The following PCDHGB3 variants were observed in gnomAD, a reference collection of about 807,000 sequenced individuals.
The protein encoded by PCDHGB3 is protocadherin gamma-B3.
In PCDHGB3, 40 loss-of-function variants were observed where a neutral mutation model predicts 59.2. That is an observed-to-expected ratio of 0.68 (90% CI 0.52 to 0.88). The LOEUF (loss-of-function observed/expected upper bound fraction) is 0.88. PCDHGB3 is among the 40% of genes least tolerant of loss of function. PCDHGB3 has a pLI of 0.00. For synonymous variants in PCDHGB3, 581 were observed against 503.6 expected, an observed-to-expected ratio of 1.15 and a Z score of -2.06; for missense variants, 1,309 against 1,187.9, an observed-to-expected ratio of 1.10 and a Z score of -1.50.
chr5:141,380,586 A>G (rs1776590608), intron 1 of PCDHGB3, among the ~76,000 whole-genome samples: 1 of 152,226 alleles, frequency 6.6e-6, no homozygotes, highest in Non-Finnish European at 1.5e-5. Context: ...GCGGTCTAGT[A>G]AAGATCTTTA....
At chr5:141,375,266 G>A in intron 1 of PCDHGB3, 1 of 1,613,846 alleles carries the variant, frequency 6.2e-7, no homozygotes, top group Non-Finnish European at 8.5e-7. Flanking sequence ...ATTTGAATTG[G>A]AAAAATCAGT....
chr5:141,492,740 C>T (rs1364102818), intron 1 of PCDHGB3, among the ~76,000 whole-genome samples: 1 of 152,238 alleles, frequency 6.6e-6, no homozygotes, highest in African/African-American at 2.4e-5. Context: ...GCCCAGTGGC[C>T]GAGGCGCGGC....
chr5:141,476,687 A>G lies in PCDHGB3; in HGVS notation c.2416-18120A>G. 1 of 1,614,212 alleles carries G rather than the reference A, an allele frequency of 6.2e-7. No individual in the cohort carries two copies. Among genetic ancestry groups the G allele is most frequent in the Non-Finnish European group, 8.5e-7 (1 of 1,180,044 alleles). On this transcript the variant is annotated intron_variant, in intron 1 of 3. Transcript: ENST00000576222. This position sits in a 1 kb window ranked among gnomAD's most constrained non-coding sequence, Gnocchi z 7.6. ...TCGCGTGCAGACGCGGGAGGACAGC[A>G]CCAAGTACGCGGAGCTGGTGTTGGA... is the stretch of plus-strand genomic sequence containing the variant.
At position 141,477,529 on chromosome 5, in the gene PCDHGB3, C is replaced by G; in HGVS notation, c.2416-17278C>G. ...ACGTTTACATTGAAGAAAACAACCT[C>G]CCCGGGGCTCCAATACTAAACCTAA... On this transcript the variant is annotated intron_variant, in intron 1 of 3. Transcript: ENST00000576222. The surrounding 1 kb of genome is among the most constrained non-coding windows in gnomAD (Gnocchi z 4.9). 6.2e-7 allele frequency: 1 copy of G among 1,614,172 alleles called. No homozygotes were observed. The highest frequency in any genetic ancestry group is 8.5e-7 in the Non-Finnish European group (1 of 1,180,032).
intron 1 of PCDHGB3, among the ~76,000 whole-genome samples, chr5:141,456,919 C>T (rs2098898169): frequency 1.3e-5 from 2 of 152,124 alleles, no homozygotes; most frequent in South Asian, 4.1e-4. Context: ...GCCGAGATCG[C>T]ACCACTGCAC....
At chr5:141,382,871 G>C (rs764156663) in intron 1 of PCDHGB3, 22 of 1,520,388 alleles carry the variant, frequency 1.4e-5, no homozygotes, top group Admixed American at 8.9e-5. Flanking sequence ...TCCCGAGATC[G>C]GCGCCTAAGC....
At chr5:141,468,403 A>C (rs2099166784) in intron 1 of PCDHGB3, 1 of 152,088 alleles carries the variant, frequency 6.6e-6, no homozygotes, top group African/African-American at 2.4e-5. Flanking sequence ...GGTGAGAACT[A>C]ATAATAAGTT....
chr5:141,481,842 T>C (rs1402237517), intron 1 of PCDHGB3, among the ~76,000 whole-genome samples: 1 of 144,038 alleles, frequency 6.9e-6, no homozygotes, highest in Non-Finnish European at 1.5e-5. Flanking sequence ...AATCGCTTGA[T>C]GGTGGAGGTT....
chr5:141,451,978 T>A (rs1329730658), intron 1 of PCDHGB3, among the ~76,000 whole-genome samples: 1 of 152,188 alleles, frequency 6.6e-6, no homozygotes, highest in Non-Finnish European at 1.5e-5. Flanking sequence ...TTTGCTGTAG[T>A]TTGTTCATTA....
At chr5:141,415,208 A>C in intron 1 of PCDHGB3, 3 of 1,614,024 alleles carry the variant, frequency 1.9e-6, no homozygotes, top group Non-Finnish European at 2.5e-6. Context: ...GTCCTGGCGG[A>C]CCTCGGCAGC....
chr5:141,432,511 C>T lies in PCDHGB3; in HGVS notation c.2415+59702C>T. ...AGCTGGCTCCCCGCTCCGCAGAGCC[C>T]GGCTACCTGGTGACCAAGGTGGTGG... is the stretch of plus-strand genomic sequence containing the variant. On this transcript the variant is annotated intron_variant, in intron 1 of 3. Coordinates refer to ENST00000576222, the MANE Select transcript of PCDHGB3 (RefSeq NM_018924.5). This position sits in a 1 kb window ranked among gnomAD's most constrained non-coding sequence, Gnocchi z 6.0. 1 of 1,614,118 alleles carries T rather than the reference C, an allele frequency of 6.2e-7. No homozygotes were observed. The highest frequency in any genetic ancestry group is 8.5e-7 in the Non-Finnish European group (1 of 1,180,042).
intron 1 of PCDHGB3, chr5:141,428,826 A>G (rs190740602): frequency 1.3e-5 from 2 of 149,304 alleles, no homozygotes; most frequent in South Asian, 2.1e-4. Context: ...GCTTTCATGT[A>G]TTTTTGAAAC....
chr5:141,429,073 C>CTCGATT (rs1202357717), intron 1 of PCDHGB3: 1 of 152,116 alleles, frequency 6.6e-6, no homozygotes, highest in African/African-American at 2.4e-5. Context: ...CCAGGATGGT[C>CTCGATT]TCGATTTCCT....
rs1174072440 is a variant in PCDHGB3, at chr5:141,438,581, TACATACATAC to T, written c.2416-56224_2416-56215del. Among the ~76,000 whole-genome samples, 141 of 49,790 alleles carry T rather than the reference TACATACATAC, an allele frequency of 2.8e-3. 1 individual carries two copies. Among genetic ancestry groups the T allele is most frequent in the African/African-American group, 0.014 (97 of 6,866 alleles). 32.7% of individuals were successfully genotyped at this position (49,790 alleles called of 152,430 possible). A position where few individuals can be genotyped will look rare whatever the true frequency, so the allele number is the denominator to read the frequency against. On this transcript the variant is annotated intron_variant, in intron 1 of 3. Coordinates refer to ENST00000576222, the MANE Select transcript of PCDHGB3 (RefSeq NM_018924.5). ...GAGGCAGCTGTCTGATATACATACA[TACATACATAC>T]ATATATATATATATATATATATATA...
intron 3 of PCDHGB3, among the ~76,000 whole-genome samples, chr5:141,508,649 C>T (rs1303066200): frequency 6.6e-6 from 1 of 152,126 alleles, no homozygotes; most frequent in Non-Finnish European, 1.5e-5. Flanking sequence ...CCGTCAGGCC[C>T]TTCCTGTCAT....
At chr5:141,497,664 C>T (rs779506763) in intron 2 of PCDHGB3, among the ~76,000 whole-genome samples, 14 of 151,904 alleles carry the variant, frequency 9.2e-5, no homozygotes, top group Non-Finnish European at 1.8e-4. Context: ...CTCAGCCTCC[C>T]GAGTAGCTGG....
rs141873183 is a variant in PCDHGB3 at position 141,511,011 on chromosome 5, C to T, written c.2628C>T (p.Tyr876=). The T allele has an allele frequency of 1.5e-5, 24 of 1,614,082 alleles. No individual in the cohort carries two copies. Among genetic ancestry groups the T allele is most frequent in the Middle Eastern group, 1.6e-4 (1 of 6,084 alleles). Residue 876 remains tyrosine (Y), a synonymous_variant, in exon 4 of 4, where the codon TAC becomes TAT. Transcript: ENST00000576222. ...GAGTMGLSAR[Y]GPQFTLQHVP... The stretch of plus-strand genomic sequence containing the variant: ...GCACCATGGGATTGAGCGCCCGCTA[C>T]GGACCCCAGTTCACCCTGCAGCACG...
chr5:141,420,934 C>A (rs2096533899), intron 1 of PCDHGB3: 2 of 377,936 alleles, frequency 5.3e-6, no homozygotes, highest in South Asian at 5.3e-5. Flanking sequence ...TGAGCGTAAT[C>A]ATTTCTTCTG....
chr5:141,423,798 A>G (rs551396089), intron 1 of PCDHGB3: 76 of 1,222,390 alleles, frequency 6.2e-5, no homozygotes, highest in Middle Eastern at 4.5e-4. Context: ...TATTTAGAGC[A>G]ATACATGTGA....
Sources: gnomAD v4.1 joint callset for allele counts (sites outside exome capture counted in the v4.1 genomes callset) on GRCh38, gnomAD v4.1.1 for gene constraint, Gnocchi (gnomAD v3.1) non-coding constraint, MANE v1.5 for transcripts, NCBI Gene and HGNC (gene_info 2026-07-23, HGNC 2026-07-21) for gene names.